The following RALYL variants were observed in gnomAD, a reference collection of about 807,000 sequenced individuals.
RALYL encodes RNA-binding Raly-like protein.
Under a neutral mutation model 35.1 loss-of-function variants are expected in RALYL, and 29 were observed. The observed-to-expected ratio is 0.83, with a 90% CI of 0.61 to 1.13. RALYL has a LOEUF of 1.13. Ranked by LOEUF, RALYL falls within the 50% of genes most tolerant of loss-of-function variation. The pLI, the probability that RALYL is intolerant of heterozygous loss-of-function variation, is 0.00. For missense variants in RALYL, 359 were observed against 360.4 expected, an observed-to-expected ratio of 1.00 and a Z score of 0.03; for synonymous variants, 120 against 127.6, an observed-to-expected ratio of 0.94 and a Z score of 0.40.
At chr8:84,761,994 C>T (rs749738244) in intron 2 of RALYL, among the ~76,000 whole-genome samples, 2 of 151,840 alleles carry the variant, frequency 1.3e-5, no homozygotes, top group African/African-American at 2.4e-5. Context: ...GGGAGTTAGC[C>T]GTGCATTATC....
At chr8:84,568,991 G>A (rs1245635197) in intron 2 of RALYL, among the ~76,000 whole-genome samples, 297 of 144,096 alleles carry the variant, frequency 2.1e-3, no homozygotes, top group African/African-American at 7.8e-3. Flanking sequence ...CTCCCATTTT[G>A]TAGGTTGCCT....
At chr8:84,542,902 T>C (rs1189017950) in intron 2 of RALYL, among the ~76,000 whole-genome samples, 1 of 152,212 alleles carries the variant, frequency 6.6e-6, no homozygotes, top group African/African-American at 2.4e-5. Flanking sequence ...TTGAGATTCA[T>C]TGACACGTCC....
At chr8:84,537,710 A>G (rs1478190506) in intron 2 of RALYL, among the ~76,000 whole-genome samples, 3 of 152,150 alleles carry the variant, frequency 2.0e-5, no homozygotes, top group Non-Finnish European at 4.4e-5. Flanking sequence ...ATCAAGGTAC[A>G]CTTCATTACA....
chr8:84,595,889 A>G (rs1814412870), intron 2 of RALYL, among the ~76,000 whole-genome samples: 2 of 151,620 alleles, frequency 1.3e-5, no homozygotes, highest in African/African-American at 4.8e-5. Flanking sequence ...AACAGCAGGC[A>G]GGATCCTGAG....
At chr8:84,316,750 A>G (rs1469204403) in intron 1 of RALYL, among the ~76,000 whole-genome samples, 1 of 152,258 alleles carries the variant, frequency 6.6e-6, no homozygotes, top group Non-Finnish European at 1.5e-5. Flanking sequence ...CATGATTTTT[A>G]TCAGTCTCTA....
At chr8:84,535,422 T>G (rs1299907444) in intron 2 of RALYL, among the ~76,000 whole-genome samples, 1 of 149,228 alleles carries the variant, frequency 6.7e-6, no homozygotes, top group Non-Finnish European at 1.5e-5. Context: ...TGGTAGGATG[T>G]TAGTAGCATC....
intron 4 of RALYL, among the ~76,000 whole-genome samples, chr8:84,808,024 C>G (rs1429914757): frequency 6.6e-6 from 1 of 152,130 alleles, no homozygotes; most frequent in Non-Finnish European, 1.5e-5. Flanking sequence ...TAAGTCTCAA[C>G]TATTTATCTT....
chr8:84,349,894 C>T lies in RALYL; in HGVS notation c.-24+165470C>T, dbSNP rs553632680. Among the ~76,000 whole-genome samples, 6 of 150,372 alleles carry T rather than the reference C, an allele frequency of 4.0e-5. 1 individual carries two copies. The South Asian group carries it at 1.0e-3, about 26-fold the overall frequency. On this transcript the variant is annotated intron_variant, in intron 1 of 8. Transcript: ENST00000521268. ...GAACTTGACCTTGCATCATTTTGGT[C>T]ATCATTGTCTCTGCTGCTGTCACCA... is the stretch of plus-strand genomic sequence containing the variant.
At chr8:84,396,305 T>C (rs1861740841) in intron 1 of RALYL, among the ~76,000 whole-genome samples, 3 of 152,106 alleles carry the variant, frequency 2.0e-5, no homozygotes. Context: ...TTGTGGCATA[T>C]ATTTGAAATG....
intron 7 of RALYL, among the ~76,000 whole-genome samples, chr8:84,884,815 TTC>T (rs144729537): frequency 6.6e-6 from 1 of 152,090 alleles, no homozygotes; most frequent in Non-Finnish European, 1.5e-5. Flanking sequence ...AAATTTCTAT[TTC>T]TCTCTCTTTC....
intron 3 of RALYL, among the ~76,000 whole-genome samples, chr8:84,775,147 G>A (rs1170958380): frequency 6.6e-6 from 1 of 151,822 alleles, no homozygotes; most frequent in African/African-American, 2.4e-5. Flanking sequence ...GTAGAGACAC[G>A]GTTTCACCAT....
At chr8:84,513,223 C>A (rs959292127) in intron 1 of RALYL, among the ~76,000 whole-genome samples, 2 of 152,078 alleles carry the variant, frequency 1.3e-5, no homozygotes, top group East Asian at 3.9e-4. Flanking sequence ...CCTTGTAGAA[C>A]TCTTTTACCT....
intron 5 of RALYL, among the ~76,000 whole-genome samples, chr8:84,861,708 A>G (rs547431619): frequency 1.8e-4 from 28 of 152,340 alleles, no homozygotes; most frequent in African/African-American, 6.7e-4. Context: ...TTTGTCTGCA[A>G]TCAGAGGAGA....
chr8:84,400,694 A>C (rs1416239175), intron 1 of RALYL, among the ~76,000 whole-genome samples: 1 of 152,156 alleles, frequency 6.6e-6, no homozygotes, highest in South Asian at 2.1e-4. Flanking sequence ...GATGAAGTGC[A>C]TGTAAATTTT....
intron 2 of RALYL, among the ~76,000 whole-genome samples, chr8:84,663,787 A>G (rs1442245723): frequency 1.3e-5 from 2 of 152,074 alleles, no homozygotes; most frequent in South Asian, 2.1e-4. Flanking sequence ...CTCTGATGAT[A>G]GTTTCCTTTG....
rs200973667 is a variant in RALYL at position 84,529,428 on chromosome 8, T to A, written c.107T>A (p.Val36Asp). 8.8e-5 allele frequency: 142 copies of A among 1,613,316 alleles called. No homozygotes were observed. The Middle Eastern group carries it at 1.2e-3, about 13-fold the overall frequency. ...CTAAATACGGCAATTGTCAAGAAAG[T>A]TGACATTGAAGCCATTTTTTCAAAG... Reference protein sequence around the residue: ...GNLNTAIVKKVDIEAIFSKYG... With the variant: ...GNLNTAIVKKDDIEAIFSKYG... Residue 36 changes from valine to aspartate, a missense_variant, in exon 2 of 9, where the codon GTT (valine) becomes GAT (aspartate). Transcript: ENST00000521268.
intron 4 of RALYL, among the ~76,000 whole-genome samples, chr8:84,841,546 T>A: frequency 6.6e-6 from 1 of 152,130 alleles, no homozygotes; most frequent in Non-Finnish European, 1.5e-5. Context: ...ACTGTCAACA[T>A]TAGACAGATC....
intron 2 of RALYL, among the ~76,000 whole-genome samples, chr8:84,542,789 G>C (rs2060106806): frequency 1.3e-5 from 2 of 152,136 alleles, no homozygotes; most frequent in African/African-American, 4.8e-5. Context: ...TATAATTGCT[G>C]TAATCCCTTA....
chr8:84,184,065 TG>T lies in RALYL; in HGVS notation c.-381del, dbSNP rs1348508968. 15 of 152,254 alleles carry T rather than the reference TG, an allele frequency of 9.9e-5. No homozygotes were observed. The highest frequency in any genetic ancestry group is 1.5e-4 in the Non-Finnish European group (10 of 68,042). The allele number at this position is 152,254 out of a possible 1,614,324, so 9.4% of individuals were successfully genotyped here. A position where few individuals can be genotyped will look rare whatever the true frequency, so the allele number is the denominator to read the frequency against. On this transcript the variant is annotated 5_prime_UTR_variant, in exon 1 of 9. Coordinates refer to ENST00000521268, the MANE Select transcript of RALYL (RefSeq NM_173848.7). ...AATTTTATATTTTTTGTGCCCTTTT[TG>T]GAAGCCGGTGAAAACAAATTCGTTT...
Sources: allele counts gnomAD v4.1 joint callset (sites outside exome capture counted in the v4.1 genomes callset), GRCh38; gene constraint gnomAD v4.1.1; transcripts MANE v1.5; gene names NCBI Gene and HGNC (gene_info 2026-07-23, HGNC 2026-07-21).